The following CLCN5 variants were observed in gnomAD, a reference collection of about 807,000 sequenced individuals.
The protein encoded by CLCN5 is H(+)/Cl(-) exchange transporter 5.
In CLCN5, 17 loss-of-function variants were observed where a neutral mutation model predicts 54.0. The observed-to-expected ratio is 0.31, with a 90% confidence interval of 0.22 to 0.47. The LOEUF (loss-of-function observed/expected upper bound fraction) is 0.47, where lower values mean the gene tolerates loss of function less well. CLCN5 is among the 20% of genes least tolerant of loss of function. The pLI, the probability that CLCN5 is intolerant of heterozygous loss-of-function variation, is 1.00. For missense variants in CLCN5, 448 were observed against 646.7 expected (o/e 0.69, Z 3.33); for synonymous variants, 222 against 233.0 (o/e 0.95, Z 0.43).
intron 1 of CLCN5, 64 bp downstream of exon 1, chrX:49,922,856 C>A (rs1196618163): frequency 8.9e-6 from 1 of 112,702 alleles, no homozygotes. Flanking sequence ...CCCCGGCCCA[C>A]CCCCGGAGCA....
At chrX:49,974,936 A>G (rs377563427) in intron 3 of CLCN5, among the ~76,000 whole-genome samples, 11 of 112,025 alleles carry the variant, frequency 9.8e-5, no homozygotes, top group African/African-American at 3.3e-4. Flanking sequence ...TGAGGACATA[A>G]TTCATTCAGC....
At chrX:49,955,278 T>G (rs1371837419) in intron 3 of CLCN5, among the ~76,000 whole-genome samples, 1 of 111,511 alleles carries the variant, frequency 9.0e-6, no homozygotes, top group African/African-American at 3.3e-5. Context: ...CAGTCAAAGC[T>G]CTATGGCCCT....
At chrX:49,932,864 A>G (rs1479236745) in intron 3 of CLCN5, among the ~76,000 whole-genome samples, 4 of 112,662 alleles carry the variant, frequency 3.6e-5, no homozygotes, top group African/African-American at 1.3e-4. Flanking sequence ...AAGGAAGTAT[A>G]TGTTTTGACT....
intron 4 of CLCN5, among the ~76,000 whole-genome samples, chrX:50,064,021 G>A (rs1386001733): frequency 9.4e-6 from 1 of 106,060 alleles, no homozygotes; most frequent in Admixed American, 1.0e-4. Context: ...AAAATAATAA[G>A]AGCTATCTAT....
At chrX:50,028,064 C>T (rs981651693) in intron 3 of CLCN5, among the ~76,000 whole-genome samples, 2 of 111,796 alleles carry the variant, frequency 1.8e-5, no homozygotes, top group Non-Finnish European at 3.8e-5. Context: ...TGGAAGCATT[C>T]TGTAGTCATA....
intron 3 of CLCN5, among the ~76,000 whole-genome samples, chrX:49,949,209 A>G (rs1337948892): frequency 8.9e-6 from 1 of 112,346 alleles, no homozygotes; most frequent in Non-Finnish European, 1.9e-5. Flanking sequence ...TTTGTTTGTC[A>G]CAATTGTGGG....
intron 3 of CLCN5, among the ~76,000 whole-genome samples, chrX:49,964,989 C>T (rs1206931709): frequency 9.0e-6 from 1 of 111,649 alleles, no homozygotes; most frequent in African/African-American, 3.3e-5. Flanking sequence ...TCAGTATGTA[C>T]AATGACTGAA....
At chrX:50,045,735 A>G (rs1436550898) in intron 4 of CLCN5, among the ~76,000 whole-genome samples, 2 of 112,420 alleles carry the variant, frequency 1.8e-5, no homozygotes, top group African/African-American at 6.5e-5. Flanking sequence ...CCATAAAATA[A>G]TGAGGCTGCT....
chrX:49,989,239 A>AT (rs1929137399), intron 3 of CLCN5, among the ~76,000 whole-genome samples: 1 of 110,335 alleles, frequency 9.1e-6, no homozygotes, highest in Non-Finnish European at 1.9e-5. Flanking sequence ...CATGTGGCTA[A>AT]TTTTTTTAAA....
chrX:49,956,429 G>A (rs995066967), intron 3 of CLCN5, among the ~76,000 whole-genome samples: 17 of 112,306 alleles, frequency 1.5e-4, no homozygotes, highest in African/African-American at 5.2e-4. Context: ...GGAGTGTTGG[G>A]ATCATTAAAT....
intron 4 of CLCN5, among the ~76,000 whole-genome samples, chrX:50,057,779 A>G (rs1007466037): frequency 2.8e-5 from 3 of 109,088 alleles, no homozygotes; most frequent in Non-Finnish European, 5.8e-5. Context: ...AAATAGAAGC[A>G]AAATGAAGGC....
chrX:50,032,762 T>G (rs1294466945), intron 3 of CLCN5, among the ~76,000 whole-genome samples: 37 of 109,967 alleles, frequency 3.4e-4, no homozygotes, highest in African/African-American at 1.1e-3. Flanking sequence ...TTGTTGCCAT[T>G]GCTTTTGGTG....
chrX:50,008,882 T>A, intron 3 of CLCN5: 1 of 365,586 alleles, frequency 2.7e-6, no homozygotes, highest in Admixed American at 2.7e-5. Context: ...TACATGAGAG[T>A]GAGACTTGGT....
intron 3 of CLCN5, among the ~76,000 whole-genome samples, chrX:49,956,767 T>C (rs943426744): frequency 1.8e-5 from 2 of 112,271 alleles, no homozygotes; most frequent in Admixed American, 1.9e-4. Flanking sequence ...TTGTCCTTTC[T>C]ATCTGCCACA....
intron 4 of CLCN5, among the ~76,000 whole-genome samples, chrX:50,069,008 C>A (rs980936369): frequency 2.7e-5 from 3 of 111,781 alleles, no homozygotes; most frequent in Admixed American, 9.5e-5. Flanking sequence ...CCCCCATTCC[C>A]ACCGTTCATC....
chrX:50,059,447 C>T (rs1932816863), intron 4 of CLCN5, among the ~76,000 whole-genome samples: 1 of 111,249 alleles, frequency 9.0e-6, no homozygotes. Flanking sequence ...AGAAAGAATT[C>T]TGCTTATCTC....
chrX:49,931,174 T>C (rs1169525197), intron 3 of CLCN5, among the ~76,000 whole-genome samples: 1 of 111,347 alleles, frequency 9.0e-6, no homozygotes, highest in Non-Finnish European at 1.9e-5. Flanking sequence ...TTGAGGTGAT[T>C]GTTGAAGGGA....
At chrX:50,051,926 G>A (rs1450496784) in intron 4 of CLCN5, among the ~76,000 whole-genome samples, 1 of 111,382 alleles carries the variant, frequency 9.0e-6, no homozygotes, top group Admixed American at 9.6e-5. Flanking sequence ...TCCCCTTCAG[G>A]ATTTTTTTAG....
In CLCN5 at chrX:50,086,925, G is replaced by A. The variant is rs1434057072; in HGVS notation, c.1557+55G>A. 2.8e-6 allele frequency: 3 copies of A among 1,080,519 alleles called. No individual in the cohort carries two copies. The African/African-American group carries it at 5.5e-5, about 20-fold the overall frequency. 89.0% of individuals were successfully genotyped at this position (1,080,519 alleles called of 1,213,427 possible). On this transcript the variant is annotated intron_variant, in intron 11 of 14. Coordinates refer to ENST00000376091, the MANE Select transcript of CLCN5 (RefSeq NM_001127898.4). ...GCATGCGTAGCTGTGGGTTTTGGAG[G>A]GCAGAGCCCAGGTATCATACAATCC...
Sources: allele counts gnomAD v4.1 joint callset (sites outside exome capture counted in the v4.1 genomes callset), GRCh38; gene constraint gnomAD v4.1.1; transcripts MANE v1.5; gene names NCBI Gene and HGNC (gene_info 2026-07-23, HGNC 2026-07-21).